The following RTN1 variants were observed in gnomAD, a reference collection of about 807,000 sequenced individuals.
RTN1 encodes the protein reticulon 1.
A neutral mutation model predicts 65.5 loss-of-function variants in RTN1; 25 were observed. The ratio of observed to expected loss-of-function variants is 0.38; its 90% CI spans 0.28 to 0.53. The LOEUF is 0.53. Ranked by LOEUF, RTN1 falls within the 20% of genes least tolerant of loss-of-function variation. The pLI is 0.79. For synonymous variants in RTN1, 471 were observed against 447.6 expected, an observed-to-expected ratio of 1.05 and a Z score of -0.66; for missense variants, 983 against 1,025.4, an observed-to-expected ratio of 0.96 and a Z score of 0.57.
Position 59,727,091 on chromosome 14 carries a change from C to T in RTN1, c.1593G>A (p.Gln531=), listed in dbSNP as rs746269097. ...SFLDYPSTEP[Q]PGPELPPGDG... ...CTCCAGGGGGCAGCTCGGGGCCAGG[C>T]TGGGGCTCAGTTGAGGGGTAGTCGA... Residue 531 remains glutamine (Q), a synonymous_variant, in exon 3 of 9, where the codon CAG becomes CAA. Transcript: ENST00000267484. This position sits in a 1 kb window ranked among gnomAD's most constrained non-coding sequence, Gnocchi z 4.2. The T allele has an allele frequency of 1.2e-5, 20 of 1,611,368 alleles. No individual in the cohort carries two copies. The East Asian group carries it at 2.7e-4, about 22-fold the overall frequency.
At chr14:59,631,109 A>T (rs1263889369) in intron 3 of RTN1, among the ~76,000 whole-genome samples, 1 of 152,188 alleles carries the variant, frequency 6.6e-6, no homozygotes, top group Non-Finnish European at 1.5e-5. Context: ...GATGAATTTT[A>T]ATTGCCCAGA....
chr14:59,834,749 C>A lies in RTN1; in HGVS notation c.241+35641G>T, dbSNP rs11622755. On this transcript the variant is annotated intron_variant, in intron 1 of 8. Transcript: ENST00000267484. ...TTGCATAGAAAAAGCAAGTAGCAAACAAAAAATTCAAAATGATGATCCATT... is the reference window on the plus strand; with the variant it reads ...TTGCATAGAAAAAGCAAGTAGCAAAAAAAAAATTCAAAATGATGATCCATT... 2.8e-3 allele frequency among the ~76,000 whole-genome samples: 425 copies of A among 151,952 alleles called. 3 individuals are homozygous for A. The highest frequency in any genetic ancestry group is 9.9e-3 in the African/African-American group (411 of 41,442).
In RTN1 at chr14:59,742,813, T is replaced by C. The variant is rs557048210; in HGVS notation, c.1015+2895A>G. 1.1e-4 allele frequency among the ~76,000 whole-genome samples: 16 copies of C among 152,258 alleles called. 1 individual carries two copies. The highest frequency in any genetic ancestry group is 2.6e-4 in the Admixed American group (4 of 15,292). ...GCAGAGTGACCCAAGACTCAACAGA[T>C]GTAATAAAGTCCATATCCTCTACTG... is the stretch of plus-strand genomic sequence containing the variant. On this transcript the variant is annotated intron_variant, in intron 2 of 8. Coordinates refer to ENST00000267484, the MANE Select transcript of RTN1 (RefSeq NM_021136.3).
chr14:59,837,866 C>T (rs888775087), intron 1 of RTN1, among the ~76,000 whole-genome samples: 36 of 151,828 alleles, frequency 2.4e-4, no homozygotes, highest in African/African-American at 6.1e-4. Context: ...TAATGATCAC[C>T]GGAGTCTTCA....
At chr14:59,837,843 G>A (rs780595564) in intron 1 of RTN1, among the ~76,000 whole-genome samples, 1 of 151,824 alleles carries the variant, frequency 6.6e-6, no homozygotes, top group African/African-American at 2.4e-5. Flanking sequence ...ACACTTTATT[G>A]TTGAAAAAAT....
chr14:59,828,554 A>T (rs545970068), intron 1 of RTN1, among the ~76,000 whole-genome samples: 2 of 152,176 alleles, frequency 1.3e-5, no homozygotes, highest in Non-Finnish European at 2.9e-5. Flanking sequence ...GCAGACTTCT[A>T]TTTACATACC....
intron 1 of RTN1, among the ~76,000 whole-genome samples, chr14:59,863,967 T>C (rs946017961): frequency 5.3e-5 from 8 of 152,178 alleles, no homozygotes; most frequent in African/African-American, 1.9e-4. Flanking sequence ...CCACCATGAT[T>C]TCTTTCTCAG....
chr14:59,640,153 C>T (rs551980168), intron 3 of RTN1, among the ~76,000 whole-genome samples: 1 of 152,236 alleles, frequency 6.6e-6, no homozygotes, highest in East Asian at 1.9e-4. Flanking sequence ...GAAGAATTCA[C>T]CACCAAGCCC....
intron 1 of RTN1, among the ~76,000 whole-genome samples, chr14:59,821,620 T>C (rs755616462): frequency 1.9e-4 from 29 of 152,350 alleles, no homozygotes; most frequent in Non-Finnish European, 4.0e-4. Flanking sequence ...TTCCAGCTTT[T>C]GCCTGTTCAG....
At chr14:59,735,891 C>T (rs1884992463) in intron 2 of RTN1, among the ~76,000 whole-genome samples, 1 of 152,124 alleles carries the variant, frequency 6.6e-6, no homozygotes, top group African/African-American at 2.4e-5. Flanking sequence ...AAGAAATTCA[C>T]TCAAAACCAC....
At position 59,658,123 on chromosome 14, in the gene RTN1, C is replaced by T. The variant is rs551775597; in HGVS notation, c.1766-50631G>A. ...TTCCCCCTCACAGTGTAAACAAAGC[C>T]GAGCCTCGGGGAAGTTCAAAATGGG... On this transcript the variant is annotated intron_variant, in intron 3 of 8. Transcript: ENST00000267484. Among the ~76,000 whole-genome samples, 7 of 152,328 alleles carry T rather than the reference C, an allele frequency of 4.6e-5. No individual in the cohort carries two copies. In the South Asian group the frequency reaches 8.3e-4, roughly 18 times the overall value.
chr14:59,853,546 C>T (rs918852819), intron 1 of RTN1, among the ~76,000 whole-genome samples: 5 of 152,150 alleles, frequency 3.3e-5, no homozygotes, highest in African/African-American at 1.2e-4. Context: ...ATGACTTCTA[C>T]CCCGGCATTC....
intron 3 of RTN1, among the ~76,000 whole-genome samples, chr14:59,674,608 G>T (rs932694425): frequency 6.6e-6 from 1 of 152,110 alleles, no homozygotes; most frequent in Non-Finnish European, 1.5e-5. Context: ...TTTAACAAAC[G>T]GCATTCAAAG....
chr14:59,696,488 T>A (rs994932336), intron 3 of RTN1, among the ~76,000 whole-genome samples: 125 of 152,130 alleles, frequency 8.2e-4, no homozygotes, highest in African/African-American at 2.8e-3. Context: ...TTTTTCATTT[T>A]TTAAAGGAGA....
chr14:59,615,233 T>G (rs1385912477), intron 3 of RTN1, among the ~76,000 whole-genome samples: 2 of 152,154 alleles, frequency 1.3e-5, no homozygotes, highest in Non-Finnish European at 2.9e-5. Context: ...GTGGATCACC[T>G]GAGGTCAGGA....
chr14:59,709,671 C>A (rs113589159), intron 3 of RTN1, among the ~76,000 whole-genome samples: 21 of 152,062 alleles, frequency 1.4e-4, no homozygotes, highest in African/African-American at 5.1e-4. Context: ...TCCAGGCAGA[C>A]AAAAAATTGC....
At chr14:59,601,221 T>C (rs1009209378) in intron 8 of RTN1, among the ~76,000 whole-genome samples, 2 of 152,206 alleles carry the variant, frequency 1.3e-5, no homozygotes, top group African/African-American at 4.8e-5. Flanking sequence ...TACATTTTCA[T>C]GCTTCTCTGT....
intron 3 of RTN1, among the ~76,000 whole-genome samples, chr14:59,692,872 A>AGGTGC (rs1297880743): frequency 6.6e-6 from 1 of 152,216 alleles, no homozygotes; most frequent in Non-Finnish European, 1.5e-5. Context: ...ATTCATTAAG[A>AGGTGC]GGTGCTGGGA....
intron 1 of RTN1, among the ~76,000 whole-genome samples, chr14:59,830,137 G>A (rs1450245111): frequency 6.6e-6 from 1 of 152,174 alleles, no homozygotes; most frequent in Non-Finnish European, 1.5e-5. Context: ...CCCACCAGCA[G>A]CACCCTGCTG....
Sources: allele counts gnomAD v4.1 joint callset (sites outside exome capture counted in the v4.1 genomes callset), GRCh38; gene constraint gnomAD v4.1.1; non-coding constraint Gnocchi (gnomAD v3.1); transcripts MANE v1.5; gene names NCBI Gene and HGNC (gene_info 2026-07-23, HGNC 2026-07-21).